CNTNAP5: variants seen among roughly 807,000 people sequenced by gnomAD.
The protein encoded by CNTNAP5 is contactin associated protein family member 5.
In CNTNAP5, 72 loss-of-function variants were observed where a neutral mutation model predicts 150.2. That is an observed-to-expected ratio of 0.48 (90% CI 0.40 to 0.58). The LOEUF is 0.58. Among genes scored for constraint, CNTNAP5 ranks in the 20% least tolerant of loss-of-function variants. The pLI is 0.00. For synonymous variants in CNTNAP5, 672 were observed against 619.8 expected (o/e 1.08, Z -1.25); for missense variants, 1,636 against 1,626.2 (o/e 1.01, Z -0.10).
At chr2:124,301,548 G>C (rs1165297912) in intron 3 of CNTNAP5, among the ~76,000 whole-genome samples, 1 of 152,140 alleles carries the variant, frequency 6.6e-6, no homozygotes, top group Non-Finnish European at 1.5e-5. Flanking sequence ...ACTACCTATA[G>C]TGCTATGTGA....
intron 8 of CNTNAP5, among the ~76,000 whole-genome samples, chr2:124,517,893 T>C (rs1021787479): frequency 1.3e-5 from 2 of 151,368 alleles, no homozygotes; most frequent in African/African-American, 4.9e-5. Context: ...TGATGGAGGG[T>C]TGTGGTATTG....
intron 8 of CNTNAP5, among the ~76,000 whole-genome samples, chr2:124,510,285 C>CTATATA (rs1439563096): frequency 2.5e-4 from 18 of 73,278 alleles, no homozygotes; most frequent in African/African-American, 6.6e-4. Flanking sequence ...ATATCTATAT[C>CTATATA]TATATATCTA....
chr2:124,526,103 A>G (rs1266536191), intron 9 of CNTNAP5, among the ~76,000 whole-genome samples: 4 of 152,220 alleles, frequency 2.6e-5, no homozygotes, highest in Non-Finnish European at 2.9e-5. Context: ...TTCTGATACA[A>G]TAAGCATCCA....
chr2:124,833,354 G>A (rs1442145203), intron 19 of CNTNAP5, among the ~76,000 whole-genome samples: 2 of 152,138 alleles, frequency 1.3e-5, no homozygotes, highest in Non-Finnish European at 2.9e-5. Flanking sequence ...CTAGTCATCT[G>A]CAAATGTGGA....
At chr2:124,484,501 A>T (rs922023650) in intron 7 of CNTNAP5, among the ~76,000 whole-genome samples, 1 of 152,214 alleles carries the variant, frequency 6.6e-6, no homozygotes, top group Non-Finnish European at 1.5e-5. Flanking sequence ...AGTGTCCTTC[A>T]TCTACATGGT....
At chr2:124,698,930 C>T (rs1573555281) in intron 13 of CNTNAP5, among the ~76,000 whole-genome samples, 1 of 152,152 alleles carries the variant, frequency 6.6e-6, no homozygotes, top group South Asian at 2.1e-4. Context: ...AGAGTGGCAG[C>T]CCAGTGTGAG....
intron 16 of CNTNAP5, among the ~76,000 whole-genome samples, chr2:124,766,438 G>A (rs745430065): frequency 1.3e-5 from 2 of 151,870 alleles, no homozygotes; most frequent in Admixed American, 6.6e-5. Flanking sequence ...AGATGACAGA[G>A]GTGTTTAAGT....
chr2:124,115,964 G>C lies in CNTNAP5; in HGVS notation c.82+90232G>C, dbSNP rs1450639321. ...ATTTTAAGAGTCCTGAGACCAAACT[G>C]TGCTGGTTGGTAAAGCTCAATGCTT... On this transcript the variant is annotated intron_variant, in intron 1 of 23. Coordinates refer to ENST00000682447, the MANE Select transcript of CNTNAP5 (RefSeq NM_001367498.1). 2.0e-5 allele frequency among the ~76,000 whole-genome samples: 3 copies of C among 152,064 alleles called. No homozygotes were observed. In the East Asian group the frequency reaches 5.8e-4, roughly 29 times the overall value.
At chr2:124,541,645 C>A (rs890527259) in intron 10 of CNTNAP5, among the ~76,000 whole-genome samples, 2 of 152,020 alleles carry the variant, frequency 1.3e-5, no homozygotes, top group Admixed American at 1.3e-4. Flanking sequence ...GGGAGAAACT[C>A]GAACAAATAA....
intron 19 of CNTNAP5, among the ~76,000 whole-genome samples, chr2:124,822,230 A>T (rs1297099977): frequency 6.6e-6 from 1 of 152,160 alleles, no homozygotes; most frequent in East Asian, 1.9e-4. Flanking sequence ...GTAGCTTATC[A>T]GCCCTCTTGG....
chr2:124,172,823 A>G (rs1287103310), intron 1 of CNTNAP5, among the ~76,000 whole-genome samples: 2 of 151,928 alleles, frequency 1.3e-5, no homozygotes, highest in African/African-American at 2.4e-5. Flanking sequence ...GTGTGTGTGC[A>G]TAAATTGTTT....
rs758449520 is a variant in CNTNAP5 at position 124,647,858 on chromosome 2, G to A, written c.1977G>A (p.Gly659=). The A allele has an allele frequency of 3.7e-6, 6 of 1,613,470 alleles. No homozygotes were observed. Among genetic ancestry groups the A allele is most frequent in the Non-Finnish European group, 4.2e-6 (5 of 1,179,726 alleles). ...CCTATGCCATGGCCTTGGACTACGG[G>A]GGCAGCATGGAACAGCTGGAGGCCG... ...EKPYAMALDY[G]GSMEQLEAVI... The change falls in exon 13 of 24, where the codon GGG becomes GGA. Residue 659 remains glycine, a synonymous_variant. Coordinates refer to ENST00000682447, the MANE Select transcript of CNTNAP5 (RefSeq NM_001367498.1).
At chr2:124,521,430 G>A (rs1300776499) in intron 8 of CNTNAP5, among the ~76,000 whole-genome samples, 1 of 152,182 alleles carries the variant, frequency 6.6e-6, no homozygotes, top group Non-Finnish European at 1.5e-5. Context: ...CCCTCATTAT[G>A]TGAAAACTTG....
intron 7 of CNTNAP5, among the ~76,000 whole-genome samples, chr2:124,487,172 T>C (rs569950538): frequency 5.5e-4 from 83 of 152,278 alleles, no homozygotes; most frequent in African/African-American, 2.0e-3. Context: ...GTCCAAGATA[T>C]GCCCTGTGTC....
In CNTNAP5 at chr2:124,919,461, A is replaced by C. The variant is rs1678831309; in HGVS notation, c.*5173A>C. On this transcript the variant is annotated 3_prime_UTR_variant, in exon 24 of 24. Coordinates refer to ENST00000682447, the MANE Select transcript of CNTNAP5 (RefSeq NM_001367498.1). ...AGACATGAACAAAGGTTAATGCAAA[A>C]GTTGGTTTTGGTTTCAACCACACCT... 6.6e-6 allele frequency among the ~76,000 whole-genome samples: 1 copy of C among 152,098 alleles called. No homozygotes were observed. The highest frequency in any genetic ancestry group is 1.5e-5 in the Non-Finnish European group (1 of 68,002).
intron 2 of CNTNAP5, among the ~76,000 whole-genome samples, chr2:124,233,043 T>G (rs1193693365): frequency 4.3e-4 from 10 of 23,206 alleles, no homozygotes; most frequent in South Asian, 2.6e-3. Context: ...ATCTGTGGGT[T>G]TTTTTTTTTT....
intron 4 of CNTNAP5, among the ~76,000 whole-genome samples, chr2:124,432,921 A>G (rs759712306): frequency 1.3e-5 from 2 of 152,230 alleles, no homozygotes; most frequent in Non-Finnish European, 2.9e-5. Flanking sequence ...TATTGATTTA[A>G]CACAAATAAT....
chr2:124,102,238 A>C (rs1683081783), intron 1 of CNTNAP5, among the ~76,000 whole-genome samples: 1 of 152,234 alleles, frequency 6.6e-6, no homozygotes, highest in Non-Finnish European at 1.5e-5. Context: ...AACTAATCCA[A>C]GTCCCTGGGG....
chr2:124,031,992 A>G (rs1281270000), intron 1 of CNTNAP5, among the ~76,000 whole-genome samples: 3 of 152,186 alleles, frequency 2.0e-5, no homozygotes, highest in Non-Finnish European at 4.4e-5. Flanking sequence ...ATTATTTTAG[A>G]ACTACAGTTT....
Sources: gnomAD v4.1 joint callset for allele counts (sites outside exome capture counted in the v4.1 genomes callset) on GRCh38, gnomAD v4.1.1 for gene constraint, MANE v1.5 for transcripts, NCBI Gene and HGNC (gene_info 2026-07-23, HGNC 2026-07-21) for gene names.